Variants in RBFOX1 observed in about 807,000 individuals in gnomAD.
The protein encoded by RBFOX1 is RNA binding fox-1 homolog 1.
In RBFOX1, 8 loss-of-function variants were observed where a neutral mutation model predicts 57.7. The observed-to-expected ratio is 0.14, with a 90% confidence interval of 0.08 to 0.25. The LOEUF is 0.25. Among genes scored for constraint, RBFOX1 ranks in the 10% least tolerant of loss-of-function variants. The probability of loss-of-function intolerance (pLI) is 1.00; values close to 1 mark genes in which losing one functional copy is unlikely to be tolerated. For synonymous variants in RBFOX1, 326 were observed against 222.4 expected (o/e 1.47, Z -4.15); for missense variants, 611 against 548.5 (o/e 1.11, Z -1.14).
intron 2 of RBFOX1, among the ~76,000 whole-genome samples, chr16:6,406,078 C>A (rs1487274694): frequency 6.6e-6 from 1 of 152,226 alleles, no homozygotes; most frequent in East Asian, 1.9e-4. Context: ...GTGGATCTTA[C>A]AGGGCTCAGC....
chr16:5,553,032 A>G (rs1426263465), intron 2 of RBFOX1, among the ~76,000 whole-genome samples: 1 of 152,142 alleles, frequency 6.6e-6, no homozygotes, highest in Admixed American at 6.6e-5. Context: ...TGTCACAAGG[A>G]TAGAAAACAA....
chr16:6,014,262 G>C (rs903007656), upstream of RBFOX1, among the ~76,000 whole-genome samples: 1 of 152,068 alleles, frequency 6.6e-6, no homozygotes, highest in African/African-American at 2.4e-5. Flanking sequence ...ATTGCTTAAG[G>C]TGCTGTCTTT....
chr16:6,415,224 A>G (rs1164842158), intron 2 of RBFOX1, among the ~76,000 whole-genome samples: 3 of 138,412 alleles, frequency 2.2e-5, no homozygotes, highest in African/African-American at 8.1e-5. Flanking sequence ...CCTGGGTGAC[A>G]AGAAAGAAAC....
At chr16:5,390,321 C>T (rs1174767238) in intron 1 of RBFOX1, among the ~76,000 whole-genome samples, 6 of 139,312 alleles carry the variant, frequency 4.3e-5, no homozygotes, top group South Asian at 2.3e-4. Context: ...GACAGTGTTG[C>T]TGTGTCACCC....
chr16:6,053,544 T>A (rs1326460512), intron 1 of RBFOX1, among the ~76,000 whole-genome samples: 2 of 152,226 alleles, frequency 1.3e-5, no homozygotes, highest in Non-Finnish European at 2.9e-5. Flanking sequence ...CCATGTAATA[T>A]AACAAGTTTT....
At chr16:7,316,987 A>AAC (rs1318937054) in intron 4 of RBFOX1, among the ~76,000 whole-genome samples, 6 of 45,920 alleles carry the variant, frequency 1.3e-4, no homozygotes, top group East Asian at 1.1e-3. Context: ...CACACACACA[A>AAC]ACACACACAC....
intron 3 of RBFOX1, among the ~76,000 whole-genome samples, chr16:5,663,958 C>T (rs974789644): frequency 3.9e-5 from 6 of 152,108 alleles, no homozygotes; most frequent in African/African-American, 1.2e-4. Flanking sequence ...AGCCAGCACT[C>T]GAGATATTCC....
intron 3 of RBFOX1, among the ~76,000 whole-genome samples, chr16:6,672,987 A>G (rs983435245): frequency 6.6e-6 from 1 of 152,184 alleles, no homozygotes; most frequent in Non-Finnish European, 1.5e-5. Context: ...AAGTGCTGAT[A>G]TGAAGCCAGT....
chr16:7,247,531 G>A lies in RBFOX1; in HGVS notation c.27+195433G>A, dbSNP rs535015168. Reference sequence around the variant, plus strand: ...TACTAATTTTTCTGTAAGACCCTGTGCCTGCCACAATAATATGAAAGTAAT... The same window carrying A: ...TACTAATTTTTCTGTAAGACCCTGTACCTGCCACAATAATATGAAAGTAAT... On this transcript the variant is annotated intron_variant, in intron 4 of 15. Transcript: ENST00000550418. Among the ~76,000 whole-genome samples, 21 of 152,280 alleles carry A rather than the reference G, an allele frequency of 1.4e-4. No individual in the cohort carries two copies. In the East Asian group the frequency reaches 3.9e-3, roughly 28 times the overall value.
intron 3 of RBFOX1, among the ~76,000 whole-genome samples, chr16:6,940,803 TG>T (rs2078267435): frequency 7.9e-6 from 1 of 126,148 alleles, no homozygotes; most frequent in Admixed American, 8.1e-5. Context: ...TGTGTGTGTG[TG>T]TGTGTGTAGC....
intron 2 of RBFOX1, among the ~76,000 whole-genome samples, chr16:6,457,601 G>A (rs1051770642): frequency 6.6e-6 from 1 of 152,072 alleles, no homozygotes; most frequent in Non-Finnish European, 1.5e-5. Context: ...TCATTAAATC[G>A]CCAGGGGTAT....
At chr16:7,390,711 T>G (rs578109324) in intron 4 of RBFOX1, among the ~76,000 whole-genome samples, 17 of 152,198 alleles carry the variant, frequency 1.1e-4, no homozygotes, top group Non-Finnish European at 1.9e-4. Flanking sequence ...TACAGAGGAA[T>G]TAGTGGTTAT....
chr16:7,207,285 T>A (rs2090189298), intron 4 of RBFOX1, among the ~76,000 whole-genome samples: 1 of 152,190 alleles, frequency 6.6e-6, no homozygotes. Flanking sequence ...CCCTTCATTC[T>A]GCTAGCTTCA....
intron 2 of RBFOX1, among the ~76,000 whole-genome samples, chr16:5,569,236 A>G (rs1250251511): frequency 6.6e-6 from 1 of 151,928 alleles, no homozygotes; most frequent in Non-Finnish European, 1.5e-5. Flanking sequence ...AAATGTCTCC[A>G]AGGGACTGAC....
chr16:5,473,630 G>C (rs1288656728), intron 2 of RBFOX1, among the ~76,000 whole-genome samples: 1 of 143,678 alleles, frequency 7.0e-6, no homozygotes, highest in African/African-American at 2.6e-5. Flanking sequence ...TGGAAGGATA[G>C]ATGTAAGGGT....
chr16:7,339,574 G>A (rs1017110240), intron 4 of RBFOX1, among the ~76,000 whole-genome samples: 5 of 152,084 alleles, frequency 3.3e-5, no homozygotes, highest in Non-Finnish European at 7.4e-5. Flanking sequence ...TGAGTATCTG[G>A]GACCGTGGGC....
chr16:6,968,823 T>G (rs1365267655), intron 3 of RBFOX1, among the ~76,000 whole-genome samples: 5 of 147,768 alleles, frequency 3.4e-5, no homozygotes, highest in Admixed American at 2.0e-4. Flanking sequence ...GTTTTTTTGT[T>G]TTTTTTTTTT....
chr16:6,039,972 G>T (rs1380786656), intron 1 of RBFOX1, among the ~76,000 whole-genome samples: 1 of 152,176 alleles, frequency 6.6e-6, no homozygotes, highest in African/African-American at 2.4e-5. Flanking sequence ...TGATAGAGAG[G>T]TGCTTACAGC....
intron 3 of RBFOX1, among the ~76,000 whole-genome samples, chr16:6,931,317 C>T (rs1472726339): frequency 2.3e-5 from 3 of 128,450 alleles, no homozygotes; most frequent in Non-Finnish European, 4.8e-5. Flanking sequence ...ATCTATCTAT[C>T]TATCTATCTA....
Sources: gnomAD v4.1 joint callset for allele counts (sites outside exome capture counted in the v4.1 genomes callset) on GRCh38, gnomAD v4.1.1 for gene constraint, MANE v1.5 for transcripts, NCBI Gene and HGNC (gene_info 2026-07-23, HGNC 2026-07-21) for gene names.